The following CEP112 variants were observed in gnomAD, a reference collection of about 807,000 sequenced individuals.
CEP112 encodes the protein centrosomal protein 112.
CEP112 carries 127 observed loss-of-function variants against 153.0 expected under a neutral mutation model. The ratio of observed to expected loss-of-function variants is 0.83; its 90% CI spans 0.72 to 0.96. The LOEUF is 0.96. CEP112 is among the 40% of genes least tolerant of loss of function. CEP112 has a pLI of 0.00. For missense variants in CEP112, 1,089 were observed against 1,101.2 expected, an observed-to-expected ratio of 0.99 and a Z score of 0.16; for synonymous variants, 358 against 374.4, an observed-to-expected ratio of 0.96 and a Z score of 0.51.
chr17:65,811,529 G>C (rs1430914953), intron 21 of CEP112, among the ~76,000 whole-genome samples: 1 of 152,138 alleles, frequency 6.6e-6, no homozygotes, highest in Non-Finnish European at 1.5e-5. Flanking sequence ...AGGTGGCTGA[G>C]GTGGAGAACT....
intron 17 of CEP112, among the ~76,000 whole-genome samples, chr17:65,968,678 A>G (rs762646229): frequency 6.6e-6 from 1 of 152,184 alleles, no homozygotes; most frequent in African/African-American, 2.4e-5. Context: ...CGTTATTTCT[A>G]TTAGAAAAGT....
intron 4 of CEP112, among the ~76,000 whole-genome samples, chr17:66,160,898 A>C (rs2071672060): frequency 6.6e-6 from 1 of 152,218 alleles, no homozygotes; most frequent in Non-Finnish European, 1.5e-5. Context: ...AAGAGTGAAC[A>C]GACAACCTAC....
chr17:65,841,913 C>CAT (rs1321692891), intron 21 of CEP112, among the ~76,000 whole-genome samples: 1 of 151,688 alleles, frequency 6.6e-6, no homozygotes, highest in African/African-American at 2.4e-5. Context: ...CACATACACA[C>CAT]ACACACACAC....
intron 20 of CEP112, among the ~76,000 whole-genome samples, chr17:65,867,049 A>T (rs2146456380): frequency 6.6e-6 from 1 of 152,296 alleles, no homozygotes; most frequent in Admixed American, 6.5e-5. Flanking sequence ...CAGACTCAGG[A>T]GCTCCCCAAG....
At chr17:65,654,461 G>A (rs1344383312) in intron 24 of CEP112, among the ~76,000 whole-genome samples, 2 of 152,230 alleles carry the variant, frequency 1.3e-5, no homozygotes, top group Non-Finnish European at 2.9e-5. Flanking sequence ...TCCACCGCAA[G>A]GGAGTGAAGC....
At chr17:65,861,726 A>G (rs2058315952) in intron 20 of CEP112, among the ~76,000 whole-genome samples, 1 of 152,198 alleles carries the variant, frequency 6.6e-6, no homozygotes, top group Non-Finnish European at 1.5e-5. Context: ...GCAAAACTCA[A>G]GAAGTCTGAC....
intron 9 of CEP112, among the ~76,000 whole-genome samples, chr17:66,068,966 T>A (rs1027332972): frequency 6.6e-6 from 1 of 152,086 alleles, no homozygotes; most frequent in South Asian, 2.1e-4. Context: ...GCCTGTAATA[T>A]CTGAATGGGG....
At chr17:65,941,070 CA>C (rs1477962183) in intron 18 of CEP112, among the ~76,000 whole-genome samples, 2 of 151,480 alleles carry the variant, frequency 1.3e-5, no homozygotes, top group East Asian at 1.9e-4. Context: ...TATTTGGGGT[CA>C]AAAAAATCTC....
At chr17:65,696,954 C>T (rs141062570) in intron 23 of CEP112, among the ~76,000 whole-genome samples, 75 of 152,210 alleles carry the variant, frequency 4.9e-4, no homozygotes, top group Admixed American at 8.5e-4. Context: ...GGAGGATTTA[C>T]CCCATGAATG....
chr17:65,883,517 T>C (rs906999661), intron 20 of CEP112, among the ~76,000 whole-genome samples: 2 of 152,046 alleles, frequency 1.3e-5, no homozygotes, highest in East Asian at 1.9e-4. Flanking sequence ...TCTGCCACCA[T>C]GCCCAGCTAA....
chr17:65,960,549 T>A (rs1193834790), intron 18 of CEP112, among the ~76,000 whole-genome samples: 1 of 152,148 alleles, frequency 6.6e-6, no homozygotes, highest in African/African-American at 2.4e-5. Flanking sequence ...TATAAAATGG[T>A]CTAGTACTTC....
At chr17:66,082,114 T>A (rs750593582) in intron 8 of CEP112, among the ~76,000 whole-genome samples, 1 of 152,204 alleles carries the variant, frequency 6.6e-6, no homozygotes, top group Admixed American at 6.5e-5. Flanking sequence ...AAGGAGCAAT[T>A]TCTACCATCT....
Position 65,831,038 on chromosome 17 carries a change from C to A in CEP112, c.2394+20766G>T, listed in dbSNP as rs373895448. On this transcript the variant is annotated intron_variant, in intron 21 of 26. Transcript: ENST00000535342. ...AGAATGGGAAGTAACAACAGGCCAG[C>A]ATTTAACTTCTGATGCTAAGTAGTA... is the stretch of plus-strand genomic sequence containing the variant. Among the ~76,000 whole-genome samples, 4 of 152,328 alleles carry A rather than the reference C, an allele frequency of 2.6e-5. No homozygotes were observed. The East Asian group carries it at 5.8e-4, about 22-fold the overall frequency.
chr17:66,062,002 G>A (rs149581083), intron 11 of CEP112, among the ~76,000 whole-genome samples: 2 of 152,174 alleles, frequency 1.3e-5, no homozygotes, highest in East Asian at 3.9e-4. Flanking sequence ...CATGAGATCC[G>A]ATGGTTTTAT....
chr17:65,909,418 C>T (rs118085031), intron 19 of CEP112, among the ~76,000 whole-genome samples: 2,304 of 152,220 alleles, frequency 0.015, 35 homozygotes, highest in Non-Finnish European at 0.022. Flanking sequence ...TAATTGCTCT[C>T]CCTTAAGTGA....
At chr17:65,642,756 G>T (rs757790614) in intron 24 of CEP112, among the ~76,000 whole-genome samples, 8 of 152,060 alleles carry the variant, frequency 5.3e-5, no homozygotes, top group Non-Finnish European at 1.0e-4. Context: ...AAAGCAAAAC[G>T]CATGCTTTAT....
intron 23 of CEP112, among the ~76,000 whole-genome samples, chr17:65,727,823 C>T (rs535944338): frequency 6.6e-6 from 1 of 152,248 alleles, no homozygotes; most frequent in South Asian, 2.1e-4. Flanking sequence ...GAAGTGACAG[C>T]TGACATCACA....
chr17:65,862,844 T>C (rs1568131987), intron 20 of CEP112, among the ~76,000 whole-genome samples: 1 of 152,192 alleles, frequency 6.6e-6, no homozygotes, highest in Admixed American at 6.5e-5. Flanking sequence ...CTATTTATTA[T>C]GGAAATGCAC....
intron 16 of CEP112, among the ~76,000 whole-genome samples, chr17:66,018,056 C>G (rs2064847560): frequency 6.6e-6 from 1 of 151,876 alleles, no homozygotes; most frequent in African/African-American, 2.4e-5. Flanking sequence ...AACAAACAAC[C>G]TAGAAAGAGA....
Sources: gnomAD v4.1 joint callset for allele counts (sites outside exome capture counted in the v4.1 genomes callset) on GRCh38, gnomAD v4.1.1 for gene constraint, MANE v1.5 for transcripts, NCBI Gene and HGNC (gene_info 2026-07-23, HGNC 2026-07-21) for gene names.